Variants in TIMELESS observed in about 807,000 individuals in gnomAD.
TIMELESS encodes the protein protein timeless homolog.
A neutral mutation model predicts 164.3 loss-of-function variants in TIMELESS; 124 were observed. The ratio of observed to expected loss-of-function variants is 0.75; its 90% CI spans 0.65 to 0.88. The LOEUF (loss-of-function observed/expected upper bound fraction) is 0.88, where lower values mean the gene tolerates loss of function less well. Ranked by LOEUF, TIMELESS falls within the 40% of genes least tolerant of loss-of-function variation. TIMELESS has a pLI of 0.00. For synonymous variants in TIMELESS, 564 were observed against 563.4 expected (o/e 1.00, Z -0.02); for missense variants, 1,422 against 1,491.4 (o/e 0.95, Z 0.77).
At position 56,431,504 on chromosome 12, in the gene TIMELESS, T is replaced by A. The variant is rs1359755039; in HGVS notation, c.788A>T (p.Glu263Val). 1 of 1,613,266 alleles carries A rather than the reference T, an allele frequency of 6.2e-7. No individual in the cohort carries two copies. Among genetic ancestry groups the A allele is most frequent in the East Asian group, 2.2e-5 (1 of 44,796 alleles). ...LEVLRQREMA[E>V]KKTRALQRGN... Reference sequence around the variant, plus strand: ...TCGCTGGAGGGCTCGAGTCTTCTTTTCTGCCATCTCTCGCTGGCGCAACAC... The same window carrying A: ...TCGCTGGAGGGCTCGAGTCTTCTTTACTGCCATCTCTCGCTGGCGCAACAC... The change falls in exon 8 of 29, where the codon GAA becomes GTA. Residue 263 changes from glutamate (E) to valine (V), a missense_variant. Physicochemically the swap from Glu to Val is moderately radical, Grantham distance 121. Transcript: ENST00000553532.
chr12:56,420,588 C>T lies in TIMELESS; in HGVS notation c.3209G>A (p.Arg1070Gln), dbSNP rs200441925. The T allele has an allele frequency of 9.0e-5, 145 of 1,614,076 alleles. No individual in the cohort carries two copies. The highest frequency in any genetic ancestry group is 1.1e-4 in the Non-Finnish European group (135 of 1,180,042). Residue 1070 changes from arginine to glutamine, a missense_variant, in exon 26 of 29, where the codon CGG becomes CAG. Physicochemically the swap from Arg to Gln is conservative, Grantham distance 43. Coordinates refer to ENST00000553532, the MANE Select transcript of TIMELESS (RefSeq NM_003920.5). ...ATTTACCTGCCCAGAGGCAGGGGGC[C>T]GAACCCCTAGCTTGCGCAACAGCTG... ...FQQLLRKLGV[R>Q]PPASGQETFW...
chr12:56,431,038 G>A (rs1017210210), intron 8 of TIMELESS, 70 bp from the exon 9 acceptor site: 19 of 1,102,628 alleles, frequency 1.7e-5, no homozygotes, highest in Admixed American at 2.5e-5. Context: ...CTCTATCATC[G>A]GCACATTGGA....
chr12:56,440,230 C>T (rs1430423737), intron 1 of TIMELESS, among the ~76,000 whole-genome samples: 1 of 147,832 alleles, frequency 6.8e-6, no homozygotes, highest in Admixed American at 7.0e-5. Context: ...CCGCCACCTC[C>T]TGGATTCAAG....
At position 56,433,094 on chromosome 12, in the gene TIMELESS, G is replaced by T. The variant is rs1244184252; in HGVS notation, c.463C>A (p.Leu155Met). The T allele has an allele frequency of 1.2e-5, 19 of 1,614,044 alleles. No homozygotes were observed. The highest frequency in any genetic ancestry group is 1.5e-5 in the Non-Finnish European group (18 of 1,180,026). The part of the protein sequence containing the change: ...WEERQEEDNL[L>M]IERILLLVRN... The stretch of plus-strand genomic sequence containing the variant: ...ACCAGCAGTAGGATCCGTTCAATCA[G>T]CAAGTTGTCTTCCTCCTGCCGTTCC... Residue 155 changes from leucine to methionine, a missense_variant, in exon 6 of 29, where the codon CTG becomes ATG. Transcript: ENST00000553532.
intron 1 of TIMELESS, among the ~76,000 whole-genome samples, chr12:56,438,640 T>C (rs752175916): frequency 6.6e-6 from 1 of 151,066 alleles, no homozygotes; most frequent in African/African-American, 2.4e-5. Context: ...TATCCGAGTG[T>C]GGTGGTGTGT....
At chr12:56,428,134 G>T in intron 13 of TIMELESS, 102 bp downstream of exon 13, 9 of 1,200,576 alleles carry the variant, frequency 7.5e-6, no homozygotes, top group Non-Finnish European at 1.0e-5. Flanking sequence ...TTCAGAGCAC[G>T]TTTAACAGAT....
rs1294841186 is a variant in TIMELESS at position 56,421,219 on chromosome 12, C to G, written c.2869-85G>C. 12 of 1,589,216 alleles carry G rather than the reference C, an allele frequency of 7.6e-6. No individual in the cohort carries two copies. In the East Asian group the frequency reaches 1.8e-4, roughly 24 times the overall value. Reference sequence around the variant, plus strand: ...GTCTCCTCGTTCCTGACCACCGCACCCCCCCGCGCCTGCTCTCTCGGAAGG... The same window carrying G: ...GTCTCCTCGTTCCTGACCACCGCACGCCCCCGCGCCTGCTCTCTCGGAAGG... On this transcript the variant is annotated intron_variant, in intron 23 of 28. Coordinates refer to ENST00000553532, the MANE Select transcript of TIMELESS (RefSeq NM_003920.5).
chr12:56,431,656 G>A (rs759453325), intron 7 of TIMELESS, 52 bp from the exon 8 acceptor site: 2 of 1,589,250 alleles, frequency 1.3e-6, no homozygotes. Context: ...TCCTTATCCT[G>A]AGTTCACGCC....
chr12:56,425,057 A>G lies in TIMELESS; in HGVS notation c.1674T>C (p.Ala558=), dbSNP rs1205616470. The part of the protein sequence containing the change: ...NVPSSPEEVE[A]VWPALAEQLQ... ...GCTGCTCAGCCAGGGCTGGCCACAC[A>G]GCCTCCACTTCTTCTGGGCTAGATG... The change falls in exon 14 of 29, where the codon GCT becomes GCC. Residue 558 remains alanine (A), a synonymous_variant. Transcript: ENST00000553532. 6.2e-7 allele frequency: 1 copy of G among 1,614,216 alleles called. No homozygotes were observed. Among genetic ancestry groups the G allele is most frequent in the East Asian group, 2.2e-5 (1 of 44,888 alleles).
At chr12:56,436,325 G>A (rs1434548490) in intron 1 of TIMELESS, among the ~76,000 whole-genome samples, 1 of 151,986 alleles carries the variant, frequency 6.6e-6, no homozygotes, top group Non-Finnish European at 1.5e-5. Flanking sequence ...GTGGTGGTGT[G>A]TACCTGTAGT....
In TIMELESS at chr12:56,422,358, C is replaced by A. The variant is rs1410177357; in HGVS notation, c.2439-167G>T. 5.0e-6 allele frequency: 3 copies of A among 602,230 alleles called. No homozygotes were observed. The African/African-American group carries it at 5.6e-5, about 11-fold the overall frequency. The allele number at this position is 602,230 out of a possible 1,614,324, so 37.3% of individuals were successfully genotyped here. ...GTGCCTCCTTCCCCTCACTTTCCTTCCACGTAAGAACCTAAAAGTCAAACT... is the reference window on the plus strand; with the variant it reads ...GTGCCTCCTTCCCCTCACTTTCCTTACACGTAAGAACCTAAAAGTCAAACT... On this transcript the variant is annotated intron_variant, in intron 19 of 28. Transcript: ENST00000553532.
At position 56,434,202 on chromosome 12, in the gene TIMELESS, TGGAGAAACA is replaced by T; in HGVS notation, c.-41_-33del. 6.5e-7 allele frequency: 1 copy of T among 1,544,146 alleles called. No homozygotes were observed. Among genetic ancestry groups the T allele is most frequent in the South Asian group, 1.1e-5 (1 of 89,428 alleles). ...GTGGACCAACCAACAGAGAAGGAAGTGGAGAAACAGGAGACAGAAATGATGAGGCCTGGA... is the reference window on the plus strand; with the variant it reads ...GTGGACCAACCAACAGAGAAGGAAGTGGAGACAGAAATGATGAGGCCTGGA... On this transcript the variant is annotated 5_prime_UTR_variant, in exon 2 of 29. Transcript: ENST00000553532.
Position 56,424,800 on chromosome 12 carries a change from G to T in TIMELESS, c.1830C>A (p.Gly610=). The T allele has an allele frequency of 6.2e-7, 1 of 1,614,166 alleles. No individual in the cohort carries two copies. The highest frequency in any genetic ancestry group is 1.1e-5 in the South Asian group (1 of 91,078). The change falls in exon 15 of 29, where the codon GGC becomes GGA. Residue 610 remains glycine, a synonymous_variant. Transcript: ENST00000553532. The part of the protein sequence containing the change: ...MVRIQDCLLA[G]QAPQALTLLR... Reference sequence around the variant, plus strand: ...GGAGAGTCAGGGCCTGTGGGGCCTGGCCAGCCAGGAGACAGTCTTGGATCC... The same window carrying T: ...GGAGAGTCAGGGCCTGTGGGGCCTGTCCAGCCAGGAGACAGTCTTGGATCC...
Position 56,432,643 on chromosome 12 carries a change from T to C in TIMELESS, c.532-119A>G, listed in dbSNP as rs529895584. 354 of 1,420,830 alleles carry C rather than the reference T, an allele frequency of 2.5e-4. 1 individual carries two copies. The highest frequency in any genetic ancestry group is 3.1e-4 in the Admixed American group (14 of 45,234). 88.0% of individuals were successfully genotyped at this position (1,420,830 alleles called of 1,614,324 possible). ...CTCCCAGACTTGTCAGAGGACAGAA[T>C]AGCCCAAAAAGGGCAGCTTGGCCGG... On this transcript the variant is annotated intron_variant, in intron 6 of 28. Transcript: ENST00000553532.
At chr12:56,448,181 G>T (rs183568663) in intron 1 of TIMELESS, among the ~76,000 whole-genome samples, 2 of 152,152 alleles carry the variant, frequency 1.3e-5, no homozygotes, top group Non-Finnish European at 2.9e-5. Flanking sequence ...CGACGCGGGC[G>T]GATCATTTGA....
intron 1 of TIMELESS, among the ~76,000 whole-genome samples, chr12:56,448,056 G>A (rs1868399351): frequency 6.6e-6 from 1 of 152,186 alleles, no homozygotes; most frequent in South Asian, 2.1e-4. Context: ...CTAACTGTGG[G>A]TGGTCAAAGA....
intron 18 of TIMELESS, 135 bp downstream of exon 18, chr12:56,423,139 G>T: frequency 7.2e-7 from 1 of 1,389,698 alleles, no homozygotes; most frequent in Non-Finnish European, 9.8e-7. Context: ...CCCTCAACCT[G>T]CCTGTCTACT....
rs1881485819 is a variant in TIMELESS, at chr12:56,421,459, G to A, written c.2760C>T (p.Ala920=). The A allele has an allele frequency of 6.2e-7, 1 of 1,614,014 alleles. No homozygotes were observed. ...VLGHIMKNIT[A]KRSRARIVDK... is the part of the protein sequence containing the mutation. ...CCACTATTCGGGCCCGTGAGCGTTT[G>A]GCTGTGATATTCTTCATGATATGAC... Residue 920 remains alanine, a synonymous_variant, in exon 23 of 29, where the codon GCC becomes GCT. Coordinates refer to ENST00000553532, the MANE Select transcript of TIMELESS (RefSeq NM_003920.5).
chr12:56,424,814 A>G lies in TIMELESS; in HGVS notation c.1816T>C (p.Cys606Arg). The change falls in exon 15 of 29, where the codon TGT becomes CGT. Residue 606 changes from cysteine to arginine, a missense_variant. Transcript: ENST00000553532. ...RAEAMVRIQD[C>R]LLAGQAPQAL... ...TGTGGGGCCTGGCCAGCCAGGAGAC[A>G]GTCTTGGATCCGTACCATAGCTTCT... 1.9e-6 allele frequency: 3 copies of G among 1,614,220 alleles called. No homozygotes were observed. The South Asian group carries it at 3.3e-5, about 18-fold the overall frequency.
Sources: gnomAD v4.1 joint callset for allele counts (sites outside exome capture counted in the v4.1 genomes callset) on GRCh38, gnomAD v4.1.1 for gene constraint, MANE v1.5 for transcripts, NCBI Gene and HGNC (gene_info 2026-07-23, HGNC 2026-07-21) for gene names.